GSK3B: variants seen among roughly 807,000 people sequenced by gnomAD.
GSK3B encodes the protein glycogen synthase kinase 3 beta.
A neutral mutation model predicts 56.4 loss-of-function variants in GSK3B; 15 were observed. The observed-to-expected ratio is 0.27, with a 90% confidence interval of 0.18 to 0.41. The LOEUF (loss-of-function observed/expected upper bound fraction) is 0.41. GSK3B is among the 10% of genes least tolerant of loss of function. The pLI, the probability that GSK3B is intolerant of heterozygous loss-of-function variation, is 1.00. For missense variants in GSK3B, 300 were observed against 513.4 expected (o/e 0.58, Z 4.02); for synonymous variants, 181 against 188.9 (o/e 0.96, Z 0.34).
chr3:120,032,476 GA>G (rs200788694), intron 1 of GSK3B, among the ~76,000 whole-genome samples: 35,552 of 142,800 alleles, frequency 0.25, 4,572 homozygotes, highest in East Asian at 0.49. Context: ...CTCCGTCTCG[GA>G]AAAAAAAAAA....
chr3:119,935,848 A>G (rs1375936210), intron 3 of GSK3B, among the ~76,000 whole-genome samples: 1 of 152,138 alleles, frequency 6.6e-6, no homozygotes, highest in Non-Finnish European at 1.5e-5. Context: ...AGATGCAAAA[A>G]CTCTTAACAA....
In GSK3B at chr3:119,870,293, C is replaced by T. The variant is rs535859448; in HGVS notation, c.909+6120G>A. ...ATCTCACATTATTCAATACTTGCTT[C>T]AACTAAGCTTTTCAACTGTCAGCTT... On this transcript the variant is annotated intron_variant, in intron 8 of 10. Transcript: ENST00000264235. Among the ~76,000 whole-genome samples, 67 of 152,174 alleles carry T rather than the reference C, an allele frequency of 4.4e-4. 1 individual carries two copies. Among genetic ancestry groups the T allele is most frequent in the Non-Finnish European group, 7.6e-4 (52 of 68,032 alleles).
chr3:119,835,288 ATTAAACT>A (rs904595624), intron 10 of GSK3B, among the ~76,000 whole-genome samples: 1 of 152,268 alleles, frequency 6.6e-6, no homozygotes, highest in African/African-American at 2.4e-5. Flanking sequence ...GCAATTTGAC[ATTAAACT>A]TTAAAATTCT....
chr3:120,026,949 T>TA (rs1290858939), intron 1 of GSK3B, among the ~76,000 whole-genome samples: 1 of 150,710 alleles, frequency 6.6e-6, no homozygotes, highest in Non-Finnish European at 1.5e-5. Context: ...CATGCGCCTG[T>TA]AATCCCAGCT....
At chr3:120,001,040 T>G (rs1184802108) in intron 2 of GSK3B, among the ~76,000 whole-genome samples, 1 of 150,758 alleles carries the variant, frequency 6.6e-6, no homozygotes, top group Non-Finnish European at 1.5e-5. Context: ...TTCTCCTACT[T>G]CAGCCTCCCA....
intron 4 of GSK3B, among the ~76,000 whole-genome samples, chr3:119,918,473 C>CAA (rs1368030799): frequency 6.7e-6 from 1 of 149,740 alleles, no homozygotes; most frequent in Non-Finnish European, 1.5e-5. Flanking sequence ...CTCTCTCTCT[C>CAA]AAAAAAACAA....
intron 2 of GSK3B, among the ~76,000 whole-genome samples, chr3:119,949,833 A>G (rs1164274682): frequency 6.6e-6 from 1 of 150,940 alleles, no homozygotes; most frequent in East Asian, 1.9e-4. Context: ...AAAATTTAAG[A>G]GAATAAATTT....
chr3:120,088,453 A>G (rs768715607), intron 1 of GSK3B, among the ~76,000 whole-genome samples: 20 of 152,236 alleles, frequency 1.3e-4, no homozygotes, highest in Non-Finnish European at 2.5e-4. Context: ...ATATACATTT[A>G]TACATTACAC....
At chr3:120,044,487 A>T (rs2107535158) in intron 1 of GSK3B, among the ~76,000 whole-genome samples, 1 of 152,200 alleles carries the variant, frequency 6.6e-6, no homozygotes, top group Admixed American at 6.5e-5. Context: ...AGCAGAGAAA[A>T]AAAAAAAATC....
At chr3:119,911,488 T>C (rs1026245866) in intron 6 of GSK3B, among the ~76,000 whole-genome samples, 4 of 152,102 alleles carry the variant, frequency 2.6e-5, no homozygotes, top group Non-Finnish European at 4.4e-5. Flanking sequence ...AGTCAACCTG[T>C]CCTTAGAAGC....
chr3:119,929,819 T>C (rs1344401092), intron 3 of GSK3B, among the ~76,000 whole-genome samples: 2 of 151,360 alleles, frequency 1.3e-5, no homozygotes, highest in African/African-American at 4.9e-5. Flanking sequence ...GGAGAATGGC[T>C]TGAACCAGGA....
At chr3:120,011,044 GGGCAACAC>G (rs772124773) in intron 1 of GSK3B, among the ~76,000 whole-genome samples, 2 of 152,166 alleles carry the variant, frequency 1.3e-5, no homozygotes, top group Non-Finnish European at 2.9e-5. Context: ...ACTCCAGCCT[GGGCAACAC>G]AGCAAGACCA....
At chr3:120,029,009 T>C in intron 1 of GSK3B, 1 of 623,608 alleles carries the variant, frequency 1.6e-6, no homozygotes, top group Non-Finnish European at 2.9e-6. Context: ...TATCCTTCTT[T>C]GTATCCTATA....
At chr3:119,929,811 A>C (rs1181257366) in intron 3 of GSK3B, among the ~76,000 whole-genome samples, 1 of 151,846 alleles carries the variant, frequency 6.6e-6, no homozygotes, top group Admixed American at 6.6e-5. Context: ...CTGAGGCAGG[A>C]GAATGGCTTG....
chr3:120,019,940 G>T (rs539752093), intron 1 of GSK3B, among the ~76,000 whole-genome samples: 2 of 152,278 alleles, frequency 1.3e-5, no homozygotes, highest in East Asian at 3.8e-4. Flanking sequence ...GATAGCCTGG[G>T]AACCTATTCG....
intron 1 of GSK3B, among the ~76,000 whole-genome samples, chr3:120,089,235 G>C (rs1439377439): frequency 6.6e-6 from 1 of 152,190 alleles, no homozygotes; most frequent in African/African-American, 2.4e-5. Context: ...CCTTTTGCCT[G>C]TGACTTACTG....
At chr3:120,033,953 G>A (rs938140405) in intron 1 of GSK3B, among the ~76,000 whole-genome samples, 1 of 152,090 alleles carries the variant, frequency 6.6e-6, no homozygotes, top group Non-Finnish European at 1.5e-5. Context: ...CCAGTCTCAG[G>A]TAGTTCTGTA....
At chr3:120,088,944 T>C (rs1362149907) in intron 1 of GSK3B, among the ~76,000 whole-genome samples, 1 of 152,238 alleles carries the variant, frequency 6.6e-6, no homozygotes, top group Non-Finnish European at 1.5e-5. Context: ...TTTCACAGCC[T>C]TCTCTATGCA....
At chr3:119,921,357 C>T (rs1422059655) in intron 4 of GSK3B, among the ~76,000 whole-genome samples, 1 of 152,104 alleles carries the variant, frequency 6.6e-6, no homozygotes. Flanking sequence ...CATTTTGTAA[C>T]CTTTAATGAA....
Sources: allele counts gnomAD v4.1 joint callset (sites outside exome capture counted in the v4.1 genomes callset), GRCh38; gene constraint gnomAD v4.1.1; transcripts MANE v1.5; gene names NCBI Gene and HGNC (gene_info 2026-07-23, HGNC 2026-07-21).